The following RBFOX1 variants were observed in gnomAD, a reference collection of about 807,000 sequenced individuals.
RBFOX1 encodes the protein RNA binding protein fox-1 homolog 1.
In RBFOX1, 8 loss-of-function variants were observed where a neutral mutation model predicts 57.7. The observed-to-expected ratio is 0.14, with a 90% confidence interval of 0.08 to 0.25. RBFOX1 has a LOEUF of 0.25. Ranked by LOEUF, RBFOX1 falls within the 10% of genes least tolerant of loss-of-function variation. The probability of loss-of-function intolerance (pLI) is 1.00; values close to 1 mark genes in which losing one functional copy is unlikely to be tolerated. For synonymous variants in RBFOX1, 326 were observed against 222.4 expected, an observed-to-expected ratio of 1.47 and a Z score of -4.15; for missense variants, 611 against 548.5, an observed-to-expected ratio of 1.11 and a Z score of -1.14.
intron 1 of RBFOX1, among the ~76,000 whole-genome samples, chr16:5,346,046 G>T (rs2065132455): frequency 6.6e-6 from 1 of 152,166 alleles, no homozygotes; most frequent in Non-Finnish European, 1.5e-5. Context: ...CTGAGACTTG[G>T]AACCTGAAAG....
At chr16:6,039,004 G>C (rs972659292) in intron 1 of RBFOX1, 44 of 93,550 alleles carry the variant, frequency 4.7e-4, no homozygotes, top group Non-Finnish European at 1.4e-4. Flanking sequence ...ATGTATGCTG[G>C]TTTGCAAAAA....
At chr16:6,660,921 G>C (rs1425113078) in intron 3 of RBFOX1, among the ~76,000 whole-genome samples, 16 of 152,126 alleles carry the variant, frequency 1.1e-4, no homozygotes, top group Admixed American at 1.0e-3. Flanking sequence ...AAAGGAAGAG[G>C]ATCCTTGGTG....
chr16:6,686,528 A>C (rs1399179540), intron 3 of RBFOX1, among the ~76,000 whole-genome samples: 1 of 152,154 alleles, frequency 6.6e-6, no homozygotes, highest in East Asian at 1.9e-4. Context: ...TCCATCCATG[A>C]AATTATATAC....
Position 7,653,918 on chromosome 16 carries a change from G to A in RBFOX1, c.861G>A (p.Ala287=), listed in dbSNP as rs1002091085. 17 of 1,562,234 alleles carry A rather than the reference G, an allele frequency of 1.1e-5. No individual in the cohort carries two copies. The highest frequency in any genetic ancestry group is 1.2e-5 in the Non-Finnish European group (14 of 1,160,896). Reference sequence around the variant, plus strand: ...TGTACAACACCTTCAGGGCCGCGGCGCCCCCGCCCCCGATCCCGGCCTACG... The same window carrying A: ...TGTACAACACCTTCAGGGCCGCGGCACCCCCGCCCCCGATCCCGGCCTACG... ...RTVYNTFRAA[A]PPPPIPAYGG... is the part of the protein sequence containing the mutation. Residue 287 remains alanine (A), a synonymous_variant, in exon 12 of 16, where the codon GCG becomes GCA. Transcript: ENST00000550418.
intron 4 of RBFOX1, among the ~76,000 whole-genome samples, chr16:7,470,860 A>G (rs1384859156): frequency 6.6e-6 from 1 of 152,078 alleles, no homozygotes; most frequent in Non-Finnish European, 1.5e-5. Context: ...AGCATTGAGC[A>G]TAGAAAGAGT....
chr16:7,016,617 G>C (rs2093928788), intron 3 of RBFOX1, among the ~76,000 whole-genome samples: 1 of 152,130 alleles, frequency 6.6e-6, no homozygotes. Context: ...CGCCTCACTT[G>C]GTGGATGTGG....
intron 2 of RBFOX1, among the ~76,000 whole-genome samples, chr16:5,501,083 A>T (rs531310385): frequency 6.6e-6 from 1 of 152,262 alleles, no homozygotes; most frequent in East Asian, 1.9e-4. Flanking sequence ...TGGGAGGCCG[A>T]GGTGGGCGGG....
At chr16:7,601,430 A>T (rs757861356) in intron 9 of RBFOX1, among the ~76,000 whole-genome samples, 7 of 152,214 alleles carry the variant, frequency 4.6e-5, no homozygotes, top group Admixed American at 1.3e-4. Flanking sequence ...TTAAGTCATC[A>T]TATTATTCCT....
At chr16:7,569,390 T>A (rs1007065788) in intron 5 of RBFOX1, among the ~76,000 whole-genome samples, 3 of 152,164 alleles carry the variant, frequency 2.0e-5, no homozygotes, top group Non-Finnish European at 4.4e-5. Flanking sequence ...CTTGGGCTCA[T>A]GGCCCCTTTC....
At chr16:7,382,799 A>C (rs892791443) in intron 4 of RBFOX1, among the ~76,000 whole-genome samples, 1 of 152,254 alleles carries the variant, frequency 6.6e-6, no homozygotes, top group African/African-American at 2.4e-5. Flanking sequence ...TGGAGAAGCC[A>C]AGAGGAATAA....
intron 1 of RBFOX1, among the ~76,000 whole-genome samples, chr16:6,059,801 C>G (rs1414665612): frequency 6.6e-6 from 1 of 152,190 alleles, no homozygotes; most frequent in Non-Finnish European, 1.5e-5. Flanking sequence ...GAAGCCCACT[C>G]AGAGATCAAT....
chr16:6,756,405 G>C (rs566925869), intron 3 of RBFOX1, among the ~76,000 whole-genome samples: 1 of 152,078 alleles, frequency 6.6e-6, no homozygotes, highest in Non-Finnish European at 1.5e-5. Context: ...CACTGGCCTA[G>C]GCAAAGATTT....
intron 1 of RBFOX1, among the ~76,000 whole-genome samples, chr16:5,316,955 CTA>C: frequency 6.6e-6 from 1 of 152,128 alleles, no homozygotes; most frequent in East Asian, 1.9e-4. Context: ...TGAACTCTTA[CTA>C]TGTCTCTTCT....
At chr16:6,059,853 G>A (rs897282346) in intron 1 of RBFOX1, among the ~76,000 whole-genome samples, 1 of 152,088 alleles carries the variant, frequency 6.6e-6, no homozygotes, top group Non-Finnish European at 1.5e-5. Context: ...TCCAGGAATA[G>A]AAAATGTATC....
At chr16:5,597,613 T>C (rs2047229176) in intron 2 of RBFOX1, among the ~76,000 whole-genome samples, 1 of 152,140 alleles carries the variant, frequency 6.6e-6, no homozygotes, top group East Asian at 1.9e-4. Context: ...TTGGCCAGAC[T>C]AGTCTGGAGC....
At chr16:6,612,589 C>G (rs1172129753) in intron 2 of RBFOX1, among the ~76,000 whole-genome samples, 1 of 152,096 alleles carries the variant, frequency 6.6e-6, no homozygotes, top group African/African-American at 2.4e-5. Context: ...TAGTTGGTCA[C>G]ACCTGTAATC....
Position 6,019,961 on chromosome 16 carries a change from G to T in RBFOX1, c.-158G>T, listed in dbSNP as rs1415422635. 3.9e-6 allele frequency: 6 copies of T among 1,531,970 alleles called. No homozygotes were observed. Among genetic ancestry groups the T allele is most frequent in the South Asian group, 3.6e-5 (3 of 83,814 alleles). 94.9% of individuals were successfully genotyped at this position (1,531,970 alleles called of 1,614,324 possible). On this transcript the variant is annotated 5_prime_UTR_variant, in exon 1 of 16. Coordinates refer to ENST00000550418, the MANE Select transcript of RBFOX1 (RefSeq NM_018723.4). The surrounding 1 kb of genome is among the most constrained non-coding windows in gnomAD (Gnocchi z 4.2). ...AATTCGGGGGTCTGGGGCCGAGAAC[G>T]TGACCGCAGCCGGGCTCGCCGGGAG...
intron 3 of RBFOX1, among the ~76,000 whole-genome samples, chr16:6,723,280 A>G (rs145673453): frequency 6.4e-4 from 98 of 152,308 alleles, no homozygotes; most frequent in African/African-American, 2.3e-3. Flanking sequence ...TCTTACCTGG[A>G]CAATCATTTA....
At chr16:6,131,064 A>G (rs967958570) in intron 1 of RBFOX1, among the ~76,000 whole-genome samples, 3 of 152,312 alleles carry the variant, frequency 2.0e-5, no homozygotes, top group South Asian at 2.1e-4. Context: ...TGCATACTCT[A>G]TGTTTCCATT....
Sources: gnomAD v4.1 joint callset for allele counts (sites outside exome capture counted in the v4.1 genomes callset) on GRCh38, gnomAD v4.1.1 for gene constraint, Gnocchi (gnomAD v3.1) non-coding constraint, MANE v1.5 for transcripts, NCBI Gene and HGNC (gene_info 2026-07-23, HGNC 2026-07-21) for gene names.